Variants in FMN2 observed in about 807,000 individuals in gnomAD.
The protein encoded by FMN2 is formin 2.
A neutral mutation model predicts 142.3 loss-of-function variants in FMN2; 51 were observed. The observed-to-expected ratio is 0.36, with a 90% CI of 0.29 to 0.45. FMN2 has a LOEUF of 0.45. Ranked by LOEUF, FMN2 falls within the 20% of genes least tolerant of loss-of-function variation. FMN2 has a pLI of 1.00. For missense variants in FMN2, 1,936 were observed against 2,122.8 expected (o/e 0.91, Z 1.73); for synonymous variants, 882 against 869.8 (o/e 1.01, Z -0.25).
intron 13 of FMN2, among the ~76,000 whole-genome samples, chr1:240,347,906 T>G (rs182281804): frequency 6.6e-6 from 1 of 152,350 alleles, no homozygotes; most frequent in African/African-American, 2.4e-5. Context: ...TATTCCATGG[T>G]GTATATGTAC....
chr1:240,114,379 T>C (rs1661936222), intron 1 of FMN2, among the ~76,000 whole-genome samples: 3 of 152,140 alleles, frequency 2.0e-5, no homozygotes, highest in African/African-American at 7.2e-5. Context: ...AGTTCTCCTT[T>C]CTTTTGTTCC....
At chr1:240,450,886 C>T (rs1572328977) in intron 16 of FMN2, among the ~76,000 whole-genome samples, 1 of 152,170 alleles carries the variant, frequency 6.6e-6, no homozygotes, top group East Asian at 1.9e-4. Context: ...TAGGGCAAGC[C>T]ACCTCCACCA....
chr1:240,319,282 G>A (rs1303252977), intron 8 of FMN2, among the ~76,000 whole-genome samples: 1 of 152,126 alleles, frequency 6.6e-6, no homozygotes, highest in African/African-American at 2.4e-5. Flanking sequence ...GAGAGGCAAA[G>A]GGCTTAGCAT....
chr1:240,176,657 A>G (rs761145148), intron 2 of FMN2, among the ~76,000 whole-genome samples: 13 of 152,214 alleles, frequency 8.5e-5, no homozygotes, highest in Non-Finnish European at 1.0e-4. Context: ...TCATTATGTT[A>G]ATTAAAGCCA....
At chr1:240,238,582 G>C (rs1572102971) in intron 6 of FMN2, among the ~76,000 whole-genome samples, 1 of 152,092 alleles carries the variant, frequency 6.6e-6, no homozygotes, top group African/African-American at 2.4e-5. Context: ...ATCATAACAA[G>C]ATAAATTTTT....
In FMN2 at chr1:240,322,679, C is replaced by T. The variant is rs139708403; in HGVS notation, c.4216-6397C>T. 6.0e-4 allele frequency among the ~76,000 whole-genome samples: 92 copies of T among 152,178 alleles called. No individual in the cohort carries two copies. In the South Asian group the frequency reaches 7.1e-3, roughly 12 times the overall value. On this transcript the variant is annotated intron_variant, in intron 8 of 17. Coordinates refer to ENST00000319653, the MANE Select transcript of FMN2 (RefSeq NM_020066.5). Reference sequence around the variant, plus strand: ...CCCATGAAGTGACTGAGCATGTATACGTAATGAGCCTTTCAGACCGAGGAA... The same window carrying T: ...CCCATGAAGTGACTGAGCATGTATATGTAATGAGCCTTTCAGACCGAGGAA...
intron 2 of FMN2, among the ~76,000 whole-genome samples, chr1:240,154,226 C>A (rs973933471): frequency 2.6e-5 from 4 of 151,064 alleles, no homozygotes; most frequent in Non-Finnish European, 4.4e-5. Context: ...AGCAGACAGA[C>A]AATGCATCAA....
At chr1:240,317,025 A>G (rs142976230) in intron 8 of FMN2, among the ~76,000 whole-genome samples, 1 of 152,306 alleles carries the variant, frequency 6.6e-6, no homozygotes, top group Admixed American at 6.5e-5. Context: ...GATGTAAAAC[A>G]GGACGAGTGG....
chr1:240,372,242 C>A (rs190113276), intron 14 of FMN2, among the ~76,000 whole-genome samples: 1 of 152,128 alleles, frequency 6.6e-6, no homozygotes, highest in South Asian at 2.1e-4. Flanking sequence ...TCTCAAAAAA[C>A]AAAAACTTAT....
intron 2 of FMN2, chr1:240,143,000 G>A (rs559659187): frequency 7.8e-6 from 12 of 1,547,990 alleles, no homozygotes; most frequent in Middle Eastern, 1.7e-4. Flanking sequence ...AGAGAGGCAC[G>A]GTGAGCAGCC....
intron 16 of FMN2, among the ~76,000 whole-genome samples, chr1:240,461,747 G>A (rs577536222): frequency 5.3e-5 from 8 of 152,200 alleles, no homozygotes; most frequent in African/African-American, 1.4e-4. Context: ...CTTCTATCGC[G>A]TGACCTCAAG....
chr1:240,436,093 T>C (rs887654685), intron 15 of FMN2, among the ~76,000 whole-genome samples: 1 of 152,226 alleles, frequency 6.6e-6, no homozygotes, highest in Non-Finnish European at 1.5e-5. Flanking sequence ...GTGTGTTCTC[T>C]GCCATCTACT....
intron 15 of FMN2, among the ~76,000 whole-genome samples, chr1:240,406,831 T>A (rs1007322086): frequency 3.3e-5 from 5 of 152,054 alleles, no homozygotes; most frequent in African/African-American, 1.2e-4. Flanking sequence ...GGAAGGAAAA[T>A]GGAACATTAA....
At chr1:240,200,350 A>G (rs1666079058) in intron 4 of FMN2, among the ~76,000 whole-genome samples, 1 of 152,192 alleles carries the variant, frequency 6.6e-6, no homozygotes, top group East Asian at 1.9e-4. Flanking sequence ...AACAACCTAT[A>G]TTAGAAATCA....
At chr1:240,188,090 G>T (rs1347950698) in intron 3 of FMN2, 117 bp from the exon 4 acceptor site, 2 of 891,760 alleles carry the variant, frequency 2.2e-6, no homozygotes, top group East Asian at 2.6e-5. Context: ...AGAGAGACTG[G>T]ATATTTTTTG....
intron 1 of FMN2, among the ~76,000 whole-genome samples, chr1:240,108,478 T>A (rs1281433843): frequency 2.0e-5 from 3 of 152,178 alleles, no homozygotes; most frequent in African/African-American, 7.2e-5. Flanking sequence ...ACTTAAGCAA[T>A]TATCATTAAT....
chr1:240,207,116 A>G lies in FMN2; in HGVS notation c.2304A>G (p.Pro768=), dbSNP rs371254127. ...PPVDGLPGRP[P]CPPGAESGPQ... ...TGGATGGGCTGCCAGGGCGTCCTCCATGCCCCCCTGGGGCTGAAAGTGGAC... is the reference window on the plus strand; with the variant it reads ...TGGATGGGCTGCCAGGGCGTCCTCCGTGCCCCCCTGGGGCTGAAAGTGGAC... Residue 768 remains proline, a synonymous_variant, in exon 5 of 18, where the codon CCA becomes CCG. Transcript: ENST00000319653. 10 of 1,613,978 alleles carry G rather than the reference A, an allele frequency of 6.2e-6. No individual in the cohort carries two copies. In the African/African-American group the frequency reaches 1.2e-4, roughly 19 times the overall value.
intron 15 of FMN2, among the ~76,000 whole-genome samples, chr1:240,404,177 A>G (rs1393407248): frequency 6.6e-6 from 1 of 152,220 alleles, no homozygotes; most frequent in African/African-American, 2.4e-5. Flanking sequence ...CAGGAGAGAA[A>G]ATATTTAATC....
chr1:240,224,564 T>A (rs563539367), intron 6 of FMN2, among the ~76,000 whole-genome samples: 4 of 152,220 alleles, frequency 2.6e-5, no homozygotes, highest in African/African-American at 9.6e-5. Context: ...TTCTGTCTCG[T>A]TGATCTGTCA....
Sources: allele counts gnomAD v4.1 joint callset (sites outside exome capture counted in the v4.1 genomes callset), GRCh38; gene constraint gnomAD v4.1.1; transcripts MANE v1.5; gene names NCBI Gene and HGNC (gene_info 2026-07-23, HGNC 2026-07-21).